The following BYSL variants were observed in gnomAD, a reference collection of about 807,000 sequenced individuals.
BYSL encodes bystin.
In BYSL, 21 loss-of-function variants were observed where a neutral mutation model predicts 45.4. That is an observed-to-expected ratio of 0.46 (90% confidence interval 0.33 to 0.67). The LOEUF is 0.67. BYSL is among the 30% of genes least tolerant of loss of function. The pLI, the probability that BYSL is intolerant of heterozygous loss-of-function variation, is 0.02. For synonymous variants in BYSL, 215 were observed against 231.3 expected (o/e 0.93, Z 0.64); for missense variants, 522 against 578.5 (o/e 0.90, Z 1.00).
upstream of BYSL, chr6:41,921,114 T>G (rs866472655): frequency 7.2e-6 from 11 of 1,523,962 alleles, no homozygotes; most frequent in African/African-American, 1.4e-4. Context: ...CACAACCTTC[T>G]GTCTCAGAAG....
At chr6:41,921,475 T>G, upstream of BYSL, 2 of 1,471,020 alleles carry the variant, frequency 1.4e-6, no homozygotes, top group Non-Finnish European at 1.8e-6. Flanking sequence ...GGGCGGCCTC[T>G]TGGGCGCTGG....
At chr6:41,930,046 A>G in intron 2 of BYSL, 86 bp from the exon 3 acceptor site, 3 of 1,535,322 alleles carry the variant, frequency 2.0e-6, no homozygotes, top group Non-Finnish European at 1.8e-6. Flanking sequence ...CTCACAGGGG[A>G]CTGTGGGGAG....
intron 4 of BYSL, 111 bp downstream of exon 4, chr6:41,930,879 C>CAAAGTAG: frequency 5.0e-6 from 7 of 1,404,358 alleles, no homozygotes; most frequent in Non-Finnish European, 6.6e-6. Flanking sequence ...TGCCCCAGGG[C>CAAAGTAG]CCTCTCTGTG....
upstream of BYSL, among the ~76,000 whole-genome samples, chr6:41,918,629 C>G (rs1321623876): frequency 7.1e-6 from 1 of 141,418 alleles, no homozygotes; most frequent in Non-Finnish European, 1.5e-5. Context: ...CTGGCTAACA[C>G]GGTGAAACCC....
the BYSL span, among the ~76,000 whole-genome samples, chr6:41,915,684 G>A: frequency 6.6e-6 from 1 of 151,922 alleles, no homozygotes; most frequent in East Asian, 1.9e-4. Context: ...CTACTTGGGA[G>A]GCTGAGGCAG....
chr6:41,919,021 C>T (rs1775390968), upstream of BYSL, among the ~76,000 whole-genome samples: 1 of 146,438 alleles, frequency 6.8e-6, no homozygotes, highest in African/African-American at 2.5e-5. Context: ...CCCAGCTACT[C>T]GGGAGGCTGA....
upstream of BYSL, among the ~76,000 whole-genome samples, chr6:41,918,609 C>G (rs946657243): frequency 2.0e-5 from 3 of 151,912 alleles, no homozygotes; most frequent in Non-Finnish European, 2.9e-5. Context: ...GTCAGGAGAT[C>G]AAGACCATCC....
the BYSL span, chr6:41,913,124 A>T: frequency 1.3e-5 from 2 of 151,338 alleles, no homozygotes; most frequent in Middle Eastern, 3.4e-3. Flanking sequence ...AAAAAAAAAA[A>T]GGTGGGGGGA....
intron 1 of BYSL, among the ~76,000 whole-genome samples, chr6:41,926,373 G>T (rs540269271): frequency 6.6e-6 from 1 of 152,248 alleles, no homozygotes; most frequent in Middle Eastern, 3.4e-3. Flanking sequence ...TATAGTAATA[G>T]TATCCACTTC....
chr6:41,913,335 T>C, the BYSL span, among the ~76,000 whole-genome samples: 15,935 of 152,138 alleles, frequency 0.1, 930 homozygotes, highest in Middle Eastern at 0.21. Context: ...TTTATTGCTC[T>C]TTCCTGCCTG....
At chr6:41,924,394 A>G (rs1366055227) in intron 1 of BYSL, among the ~76,000 whole-genome samples, 2 of 152,100 alleles carry the variant, frequency 1.3e-5, no homozygotes. Flanking sequence ...TTTTAACCCA[A>G]TATATTTATA....
At chr6:41,915,186 C>A in the BYSL span, among the ~76,000 whole-genome samples, 3 of 152,160 alleles carry the variant, frequency 2.0e-5, no homozygotes, top group African/African-American at 7.2e-5. Flanking sequence ...GTCATCTCAG[C>A]ACTTTGGGAG....
chr6:41,916,925 G>A, upstream of BYSL: 1 of 1,613,994 alleles, frequency 6.2e-7, no homozygotes, highest in Non-Finnish European at 8.5e-7. Context: ...CTCGGCCACA[G>A]GCATCTGGGA....
chr6:41,920,484 C>T (rs1006098804), upstream of BYSL, among the ~76,000 whole-genome samples: 4 of 152,190 alleles, frequency 2.6e-5, no homozygotes, highest in African/African-American at 9.7e-5. Flanking sequence ...GCAGGCAGTA[C>T]TATGGCCTCA....
rs760537983 is a variant in BYSL, at chr6:41,930,742, T to A, written c.678T>A (p.Thr226=). Residue 226 remains threonine, a synonymous_variant, in exon 4 of 7, where the codon ACT becomes ACA. Transcript: ENST00000230340. ...ACGTCACAGAGCCGGAGGCCTGGAC[T>A]GCAGCTGCCATGTACCAGGCCACCA... ...ILYVTEPEAW[T]AAAMYQATRI... The A allele has an allele frequency of 4.0e-5, 65 of 1,613,866 alleles. No homozygotes were observed. Among genetic ancestry groups the A allele is most frequent in the Non-Finnish European group, 5.4e-5 (64 of 1,179,944 alleles).
upstream of BYSL, among the ~76,000 whole-genome samples, chr6:41,918,940 C>T (rs901869894): frequency 8.6e-6 from 1 of 115,872 alleles, no homozygotes; most frequent in Non-Finnish European, 1.7e-5. Context: ...GGCGACAGAG[C>T]GAGACTCCGT....
upstream of BYSL, chr6:41,921,318 C>CA: frequency 1.6e-6 from 1 of 611,036 alleles, no homozygotes; most frequent in Non-Finnish European, 2.8e-6. Context: ...GAGCGACACT[C>CA]AAAGACTGCA....
the BYSL span, among the ~76,000 whole-genome samples, chr6:41,916,312 G>A: frequency 6.6e-6 from 1 of 151,892 alleles, no homozygotes; most frequent in Non-Finnish European, 1.5e-5. Flanking sequence ...GGGCACAGTG[G>A]CTCACGCCTG....
At chr6:41,929,863 A>G (rs1302798675) in intron 2 of BYSL, among the ~76,000 whole-genome samples, 1 of 152,244 alleles carries the variant, frequency 6.6e-6, no homozygotes, top group Admixed American at 6.5e-5. Flanking sequence ...ACCTGGGCAG[A>G]CTGACTTCAG....
Sources: gnomAD v4.1 joint callset for allele counts (sites outside exome capture counted in the v4.1 genomes callset) on GRCh38, gnomAD v4.1.1 for gene constraint, MANE v1.5 for transcripts, NCBI Gene and HGNC (gene_info 2026-07-23, HGNC 2026-07-21) for gene names.